CDH18: variants seen among roughly 807,000 people sequenced by gnomAD.
CDH18 encodes cadherin 18.
In CDH18, 31 loss-of-function variants were observed where a neutral mutation model predicts 67.9. The ratio of observed to expected loss-of-function variants is 0.46; its 90% confidence interval spans 0.34 to 0.62. The LOEUF (loss-of-function observed/expected upper bound fraction) is 0.62, where lower values mean the gene tolerates loss of function less well. Ranked by LOEUF, CDH18 falls within the 20% of genes least tolerant of loss-of-function variation. The pLI is 0.01. For missense variants in CDH18, 890 were observed against 975.5 expected, an observed-to-expected ratio of 0.91 and a Z score of 1.17; for synonymous variants, 362 against 347.2, an observed-to-expected ratio of 1.04 and a Z score of -0.48.
At chr5:20,504,341 AATT>A (rs1208438763) in intron 1 of CDH18, among the ~76,000 whole-genome samples, 2 of 152,164 alleles carry the variant, frequency 1.3e-5, no homozygotes, top group Non-Finnish European at 2.9e-5. Flanking sequence ...AACTCATATG[AATT>A]ATTATAATGC....
intron 3 of CDH18, among the ~76,000 whole-genome samples, chr5:19,817,604 G>A (rs972656551): frequency 1.3e-5 from 2 of 151,980 alleles, no homozygotes; most frequent in Admixed American, 6.6e-5. Flanking sequence ...AATAATCACT[G>A]CAATCATTAA....
At chr5:19,637,491 T>C (rs1465500084) in intron 5 of CDH18, among the ~76,000 whole-genome samples, 1 of 152,196 alleles carries the variant, frequency 6.6e-6, no homozygotes, top group Non-Finnish European at 1.5e-5. Flanking sequence ...ATTCTATCTT[T>C]GGCCAAAAGC....
intron 3 of CDH18, among the ~76,000 whole-genome samples, chr5:19,798,139 C>T (rs917193875): frequency 6.6e-6 from 1 of 151,850 alleles, no homozygotes; most frequent in Admixed American, 6.6e-5. Context: ...GATACATGGA[C>T]CTAGGCAGTA....
chr5:19,749,943 T>A (rs912644288), intron 3 of CDH18, among the ~76,000 whole-genome samples: 17 of 151,932 alleles, frequency 1.1e-4, no homozygotes, highest in Non-Finnish European at 1.8e-4. Context: ...ATATTTATAT[T>A]TTTGGATAAC....
At chr5:19,805,218 G>T (rs1460366772) in intron 3 of CDH18, among the ~76,000 whole-genome samples, 1 of 152,086 alleles carries the variant, frequency 6.6e-6, no homozygotes, top group Non-Finnish European at 1.5e-5. Context: ...AAAGTATTGG[G>T]ATCACAGACA....
chr5:19,675,245 T>C (rs544801366), intron 5 of CDH18, among the ~76,000 whole-genome samples: 1 of 150,166 alleles, frequency 6.7e-6, no homozygotes, highest in Non-Finnish European at 1.5e-5. Context: ...AAATTAAAAT[T>C]GCTAATGAAG....
At chr5:20,247,505 G>T (rs1042093123) in intron 2 of CDH18, among the ~76,000 whole-genome samples, 74 of 152,178 alleles carry the variant, frequency 4.9e-4, no homozygotes, top group Non-Finnish European at 1.0e-3. Context: ...AGTGGCTCAC[G>T]CCTGGAATCC....
chr5:20,543,703 A>G (rs1561114032), intron 1 of CDH18, among the ~76,000 whole-genome samples: 1 of 152,168 alleles, frequency 6.6e-6, no homozygotes, highest in Non-Finnish European at 1.5e-5. Flanking sequence ...TGTATTTAAA[A>G]TAAAATACCT....
At chr5:20,006,656 T>C (rs1160015799) in intron 2 of CDH18, among the ~76,000 whole-genome samples, 2 of 152,016 alleles carry the variant, frequency 1.3e-5, no homozygotes, top group South Asian at 2.1e-4. Flanking sequence ...AATTAGAAAC[T>C]ACATTTTGTA....
rs1743942755 is a variant in CDH18, at chr5:19,585,038, CT to C, written c.999+6018del. Among the ~76,000 whole-genome samples, 8 of 151,034 alleles carry C rather than the reference CT, an allele frequency of 5.3e-5. No homozygotes were observed. In the South Asian group the frequency reaches 1.7e-3, roughly 32 times the overall value. On this transcript the variant is annotated intron_variant, in intron 7 of 12. Transcript: ENST00000382275. ...GGAAAAAAGTGAAAGACAATTTGAACTTATTAAATGTCAAGAATATTTTTAG... is the reference window on the plus strand; with the variant it reads ...GGAAAAAAGTGAAAGACAATTTGAACTATTAAATGTCAAGAATATTTTTAG...
chr5:19,829,933 A>G (rs1780830925), intron 3 of CDH18, among the ~76,000 whole-genome samples: 1 of 152,176 alleles, frequency 6.6e-6, no homozygotes, highest in African/African-American at 2.4e-5. Flanking sequence ...AAAACAAGCA[A>G]TGGGGAAAAG....
At chr5:20,148,885 G>T (rs1309317741) in intron 2 of CDH18, among the ~76,000 whole-genome samples, 2 of 152,010 alleles carry the variant, frequency 1.3e-5, no homozygotes. Context: ...TCATGGAAAA[G>T]CAGGCACCCG....
At chr5:20,111,143 T>C (rs1747423177) in intron 2 of CDH18, among the ~76,000 whole-genome samples, 2 of 152,328 alleles carry the variant, frequency 1.3e-5, no homozygotes, top group East Asian at 3.9e-4. Flanking sequence ...ATAGTGAAAC[T>C]TTTTAATTTT....
At chr5:20,524,274 ATAAT>A (rs1458913237) in intron 1 of CDH18, among the ~76,000 whole-genome samples, 1 of 152,220 alleles carries the variant, frequency 6.6e-6, no homozygotes, top group Non-Finnish European at 1.5e-5. Context: ...AAAATAGATT[ATAAT>A]TAGTTTTCTT....
At chr5:20,164,674 A>C (rs753236847) in intron 2 of CDH18, among the ~76,000 whole-genome samples, 3 of 152,212 alleles carry the variant, frequency 2.0e-5, no homozygotes, top group Non-Finnish European at 4.4e-5. Context: ...ATATAAGTAA[A>C]TTAGAGGAAG....
intron 1 of CDH18, among the ~76,000 whole-genome samples, chr5:20,418,468 G>A (rs1441122884): frequency 1.3e-5 from 2 of 151,404 alleles, no homozygotes; most frequent in African/African-American, 4.9e-5. Flanking sequence ...AAACACATGC[G>A]CATGTACACA....
chr5:20,170,131 T>C (rs1736580436), intron 2 of CDH18, among the ~76,000 whole-genome samples: 1 of 152,100 alleles, frequency 6.6e-6, no homozygotes, highest in African/African-American at 2.4e-5. Context: ...CACCTAGGTA[T>C]TAAGACCCTC....
At chr5:19,854,632 A>T (rs1290295614) in intron 2 of CDH18, among the ~76,000 whole-genome samples, 1 of 152,140 alleles carries the variant, frequency 6.6e-6, no homozygotes, top group Non-Finnish European at 1.5e-5. Flanking sequence ...GACGACTAGT[A>T]AAAAGGATTA....
chr5:20,154,004 T>C (rs184838827), intron 2 of CDH18, among the ~76,000 whole-genome samples: 1 of 152,296 alleles, frequency 6.6e-6, no homozygotes, highest in East Asian at 1.9e-4. Flanking sequence ...ACCCAGTTGC[T>C]AAGACCCTGA....
Sources: gnomAD v4.1 joint callset for allele counts (sites outside exome capture counted in the v4.1 genomes callset) on GRCh38, gnomAD v4.1.1 for gene constraint, MANE v1.5 for transcripts, NCBI Gene and HGNC (gene_info 2026-07-23, HGNC 2026-07-21) for gene names.